Variants in AKNA observed in about 807,000 individuals in gnomAD.
AKNA encodes AT-hook transcription factor, also known as microtubule organization protein AKNA.
A neutral mutation model predicts 138.8 loss-of-function variants in AKNA; 67 were observed. The observed-to-expected ratio is 0.48, with a 90% CI of 0.40 to 0.59. AKNA has a LOEUF of 0.59. Among genes scored for constraint, AKNA ranks in the 20% least tolerant of loss-of-function variants. The pLI is 0.00. For synonymous variants in AKNA, 737 were observed against 754.4 expected (o/e 0.98, Z 0.38); for missense variants, 1,813 against 1,880.4 (o/e 0.96, Z 0.66).
chr9:114,355,741 G>A (rs1024713926), intron 14 of AKNA, among the ~76,000 whole-genome samples, 184 bp downstream of exon 14: 13 of 152,168 alleles, frequency 8.5e-5, no homozygotes, highest in Non-Finnish European at 1.5e-4. Flanking sequence ...ACACCAAAAC[G>A]TCAGCACTGA....
chr9:114,364,717 C>A (rs951671909), intron 6 of AKNA, 98 bp from the exon 7 acceptor site: 2 of 1,280,344 alleles, frequency 1.6e-6, no homozygotes, highest in Non-Finnish European at 2.3e-6. Flanking sequence ...GAGCTGGGTC[C>A]GTCCTCAGGA....
chr9:114,397,898 C>A (rs1017744742), upstream of AKNA, among the ~76,000 whole-genome samples: 4 of 152,198 alleles, frequency 2.6e-5, no homozygotes, highest in African/African-American at 7.2e-5. Flanking sequence ...GTTAGGCGTC[C>A]GGGAAGCGCG....
chr9:114,333,986 T>A (rs1362463263), downstream of AKNA, among the ~76,000 whole-genome samples: 1 of 122,722 alleles, frequency 8.1e-6, no homozygotes, highest in Non-Finnish European at 1.7e-5. Context: ...AAGGTCTCAT[T>A]GTTTAAAAGT....
chr9:114,372,967 G>GA (rs1564648369), intron 4 of AKNA, among the ~76,000 whole-genome samples: 1 of 137,760 alleles, frequency 7.3e-6, no homozygotes, highest in Non-Finnish European at 1.6e-5. Flanking sequence ...GACGCAGCGG[G>GA]GGGGGGGGGG....
chr9:114,334,011 C>G (rs1320800957), downstream of AKNA: 1 of 129,210 alleles, frequency 7.7e-6, no homozygotes, highest in Non-Finnish European at 1.6e-5. Flanking sequence ...AGCACCTCCC[C>G]CTTCGCTCTG....
At chr9:114,348,369 G>A (rs1437626121) in intron 15 of AKNA, among the ~76,000 whole-genome samples, 2 of 152,166 alleles carry the variant, frequency 1.3e-5, no homozygotes, top group Admixed American at 1.3e-4. Flanking sequence ...ACAGTGAGCC[G>A]CCAGCAGACA....
chr9:114,351,210 G>A (rs1831096667), intron 14 of AKNA, among the ~76,000 whole-genome samples, 189 bp from the exon 15 acceptor site: 1 of 152,148 alleles, frequency 6.6e-6, no homozygotes, highest in South Asian at 2.1e-4. Flanking sequence ...TGCTGGGAGT[G>A]TGGGGTGCTG....
At chr9:114,353,251 C>T (rs930778470) in intron 14 of AKNA, among the ~76,000 whole-genome samples, 2 of 136,474 alleles carry the variant, frequency 1.5e-5, no homozygotes, top group African/African-American at 2.7e-5. Context: ...ATAAAATGAT[C>T]TTATTTTTTG....
Position 114,361,795 on chromosome 9 carries a change from G to A in AKNA, c.2033C>T (p.Thr678Ile). 3 of 1,613,904 alleles carry A rather than the reference G, an allele frequency of 1.9e-6. No homozygotes were observed. The highest frequency in any genetic ancestry group is 2.5e-6 in the Non-Finnish European group (3 of 1,180,024). Residue 678 changes from threonine (T) to isoleucine (I), a missense_variant, in exon 9 of 22, where the codon ACC (threonine) becomes ATC (isoleucine). Thr to Ile is a moderately conservative substitution (Grantham distance 89). Coordinates refer to ENST00000374088, the MANE Select transcript of AKNA (RefSeq NM_001317950.2). ...CTGATGGAGGCAGGGCAGGGCTGGG[G>A]TGCTGTCCAGAGCTGAGTCTGACCC... Reference protein sequence around the residue: ...PPGSDSALDSTPALPCLHQPT... With the variant: ...PPGSDSALDSIPALPCLHQPT...
At chr9:114,362,561 T>C in intron 7 of AKNA, 28 bp from the exon 8 acceptor site, 1 of 1,609,144 alleles carries the variant, frequency 6.2e-7, no homozygotes, top group South Asian at 1.1e-5. Flanking sequence ...CAGGAAGACT[T>C]GAGTGCTCAG....
chr9:114,364,573 T>C lies in AKNA; in HGVS notation c.1775A>G (p.Gln592Arg). Residue 592 changes from glutamine (Q) to arginine (R), a missense_variant, in exon 7 of 22, where the codon CAG becomes CGG. By Grantham distance (43) the Gln-to-Arg change is conservative. Transcript: ENST00000374088. Reference sequence around the variant, plus strand: ...ATTGGGCAGTACCTTGACTTGGTCCTGGGGCATGAGACGTCCTGCCTGTAT... The same window carrying C: ...ATTGGGCAGTACCTTGACTTGGTCCCGGGGCATGAGACGTCCTGCCTGTAT... ...RLIQAGRLMP[Q>R]DQVKGFQRLK... 6.2e-7 allele frequency: 1 copy of C among 1,613,930 alleles called. No individual in the cohort carries two copies. Among genetic ancestry groups the C allele is most frequent in the Non-Finnish European group, 8.5e-7 (1 of 1,180,032 alleles).
intron 6 of AKNA, among the ~76,000 whole-genome samples, chr9:114,367,064 T>C (rs1219094024): frequency 6.6e-6 from 1 of 152,212 alleles, no homozygotes; most frequent in Non-Finnish European, 1.5e-5. Flanking sequence ...TGTACAGTTA[T>C]AAACAGACCT....
At chr9:114,382,039 A>G (rs1393401371) in intron 1 of AKNA, among the ~76,000 whole-genome samples, 1 of 152,164 alleles carries the variant, frequency 6.6e-6, no homozygotes, top group Non-Finnish European at 1.5e-5. Flanking sequence ...CATGCTAGCT[A>G]GTGTTACTGC....
chr9:114,383,205 C>T (rs901728211), intron 1 of AKNA: 6 of 455,884 alleles, frequency 1.3e-5, no homozygotes, highest in African/African-American at 2.0e-5. Context: ...ACGGGGGACC[C>T]GTCAGGCGGC....
At chr9:114,334,084 G>T (rs1479225787), downstream of AKNA, 1 of 133,970 alleles carries the variant, frequency 7.5e-6, no homozygotes, top group African/African-American at 3.1e-5. Flanking sequence ...ATGATTGTAA[G>T]TTTCCTGAGG....
Position 114,334,348 on chromosome 9 carries a change from T to C in AKNA, c.*2706A>G, listed in dbSNP as rs1829917563. ...AGGAAGGCCTGAGTGAAGGCTGCTGTGGGCAACTAGGCAAGAGGCGGTTGC... is the reference window on the plus strand; with the variant it reads ...AGGAAGGCCTGAGTGAAGGCTGCTGCGGGCAACTAGGCAAGAGGCGGTTGC... On this transcript the variant is annotated 3_prime_UTR_variant, in exon 22 of 22. Transcript: ENST00000374088. 1 of 138,084 alleles carries C rather than the reference T, an allele frequency of 7.2e-6. No individual in the cohort carries two copies. The highest frequency in any genetic ancestry group is 2.2e-4 in the South Asian group (1 of 4,570). The allele number at this position is 138,084 out of a possible 1,614,324, so 8.6% of individuals were successfully genotyped here.
rs1829928691 is a variant in AKNA at position 114,334,686 on chromosome 9, C to A, written c.*2368G>T. 2 of 147,030 alleles carry A rather than the reference C, an allele frequency of 1.4e-5. No individual in the cohort carries two copies. The highest frequency in any genetic ancestry group is 4.1e-4 in the South Asian group (2 of 4,830). 9.1% of individuals were successfully genotyped at this position (147,030 alleles called of 1,614,324 possible). On this transcript the variant is annotated 3_prime_UTR_variant, in exon 22 of 22. Coordinates refer to ENST00000374088, the MANE Select transcript of AKNA (RefSeq NM_001317950.2). ...CTTGTTACGTGAGGGAAGCAGCACC[C>A]CTTCCGTGGCAGAAAAGTTGGGCCT...
intron 1 of AKNA, among the ~76,000 whole-genome samples, chr9:114,387,221 G>A (rs981479196): frequency 6.6e-6 from 1 of 152,058 alleles, no homozygotes; most frequent in African/African-American, 2.4e-5. Flanking sequence ...TGTTCTCAAG[G>A]GGTTCCCACC....
chr9:114,376,832 C>T lies in AKNA; in HGVS notation c.975G>A (p.Thr325=), dbSNP rs781087931. The part of the protein sequence containing the change: ...ISPLNPQPRP[T]RQGRPLPRQG... The stretch of plus-strand genomic sequence containing the variant: ...GTCTGGGCAGCGGCCTGCCCTGCCG[C>T]GTTGGCCTGGGCTGGGGATTCAGGG... Residue 325 remains threonine (T), a synonymous_variant, in exon 3 of 22, where the codon ACG becomes ACA. Coordinates refer to ENST00000374088, the MANE Select transcript of AKNA (RefSeq NM_001317950.2). 12 of 1,613,290 alleles carry T rather than the reference C, an allele frequency of 7.4e-6. No homozygotes were observed. Among genetic ancestry groups the T allele is most frequent in the East Asian group, 4.5e-5 (2 of 44,862 alleles).
Sources: allele counts gnomAD v4.1 joint callset (sites outside exome capture counted in the v4.1 genomes callset), GRCh38; gene constraint gnomAD v4.1.1; transcripts MANE v1.5; gene names NCBI Gene and HGNC (gene_info 2026-07-23, HGNC 2026-07-21).